Variants in MGAT5 observed in about 807,000 individuals in gnomAD.
The protein encoded by MGAT5 is alpha-1,6-mannosylglycoprotein 6-beta-N-acetylglucosaminyltransferase A.
MGAT5 carries 30 observed loss-of-function variants against 94.3 expected under a neutral mutation model. That is an observed-to-expected ratio of 0.32 (90% CI 0.24 to 0.43). The LOEUF is 0.43. MGAT5 is among the 20% of genes least tolerant of loss of function. The probability of loss-of-function intolerance (pLI) is 1.00; values close to 1 mark genes in which losing one functional copy is unlikely to be tolerated. For missense variants in MGAT5, 691 were observed against 905.5 expected (o/e 0.76, Z 3.04); for synonymous variants, 310 against 322.9 (o/e 0.96, Z 0.43).
intron 1 of MGAT5, among the ~76,000 whole-genome samples, chr2:134,193,433 G>A (rs1483813295): frequency 6.6e-6 from 1 of 152,148 alleles, no homozygotes; most frequent in African/African-American, 2.4e-5. Context: ...GGTTAAAAGA[G>A]AACGATCCCC....
intron 2 of MGAT5, among the ~76,000 whole-genome samples, chr2:134,283,099 G>A (rs1469364614): frequency 2.0e-5 from 3 of 152,178 alleles, no homozygotes; most frequent in Non-Finnish European, 2.9e-5. Flanking sequence ...AGGTCTGGAT[G>A]TGTTAACGCA....
intron 1 of MGAT5, among the ~76,000 whole-genome samples, chr2:134,200,638 C>T (rs180693199): frequency 6.6e-6 from 1 of 152,210 alleles, no homozygotes; most frequent in African/African-American, 2.4e-5. Flanking sequence ...CTTAGTGTGC[C>T]CTAAACTCTG....
chr2:134,308,850 C>T (rs1420116056), intron 2 of MGAT5, among the ~76,000 whole-genome samples: 2 of 152,164 alleles, frequency 1.3e-5, no homozygotes, highest in African/African-American at 4.8e-5. Flanking sequence ...GCCTGGGCAA[C>T]ATAGCAAGAC....
At chr2:134,175,411 G>C (rs893847362) in intron 1 of MGAT5, among the ~76,000 whole-genome samples, 6 of 152,140 alleles carry the variant, frequency 3.9e-5, no homozygotes, top group Non-Finnish European at 8.8e-5. Context: ...TGAAATGTGT[G>C]GTTGGCCTGG....
At chr2:134,204,513 TGGAA>T (rs1679941655) in intron 1 of MGAT5, among the ~76,000 whole-genome samples, 2 of 151,810 alleles carry the variant, frequency 1.3e-5, no homozygotes, top group Admixed American at 1.3e-4. Flanking sequence ...CAAGATGTCA[TGGAA>T]GGTAAGAGAG....
At chr2:134,120,885 G>A (rs1447761350) in intron 1 of MGAT5, among the ~76,000 whole-genome samples, 4 of 151,926 alleles carry the variant, frequency 2.6e-5, no homozygotes, top group Non-Finnish European at 2.9e-5. Flanking sequence ...GCCCGGGGGC[G>A]CCCCGGCTGT....
intron 1 of MGAT5, among the ~76,000 whole-genome samples, chr2:134,163,368 C>T (rs369676752): frequency 5.9e-5 from 9 of 152,148 alleles, no homozygotes; most frequent in African/African-American, 1.9e-4. Context: ...GTGTTCCGGA[C>T]GGTTCACCTG....
At chr2:134,406,557 CTT>C in intron 11 of MGAT5, among the ~76,000 whole-genome samples, 1 of 152,294 alleles carries the variant, frequency 6.6e-6, no homozygotes, top group South Asian at 2.1e-4. Flanking sequence ...AACTATGTCT[CTT>C]CTTACTGAGC....
At chr2:134,431,229 A>G (rs1387268618) in intron 14 of MGAT5, among the ~76,000 whole-genome samples, 1 of 152,192 alleles carries the variant, frequency 6.6e-6, no homozygotes, top group Non-Finnish European at 1.5e-5. Flanking sequence ...ATTCTGGGAT[A>G]ATAGGAAGCT....
intron 1 of MGAT5, among the ~76,000 whole-genome samples, chr2:134,175,677 C>T (rs1231157607): frequency 6.6e-6 from 1 of 152,234 alleles, no homozygotes; most frequent in Non-Finnish European, 1.5e-5. Context: ...GATGCTGTCT[C>T]CACATCCTGT....
intron 15 of MGAT5, among the ~76,000 whole-genome samples, chr2:134,448,312 T>A (rs904600165): frequency 1.3e-5 from 2 of 152,180 alleles, no homozygotes; most frequent in African/African-American, 4.8e-5. Context: ...TGCAGAGAAC[T>A]CTAAAAGCAC....
intron 8 of MGAT5, among the ~76,000 whole-genome samples, chr2:134,345,505 A>G (rs1024408105): frequency 1.3e-5 from 2 of 152,136 alleles, no homozygotes; most frequent in Non-Finnish European, 2.9e-5. Context: ...GGGGTCTTGC[A>G]CTTTTTAAGA....
chr2:134,153,656 C>T (rs1687333188), intron 1 of MGAT5, among the ~76,000 whole-genome samples: 1 of 152,120 alleles, frequency 6.6e-6, no homozygotes, highest in Non-Finnish European at 1.5e-5. Context: ...TAATGCTTTG[C>T]CTTTACAGGC....
intron 1 of MGAT5, among the ~76,000 whole-genome samples, chr2:134,132,510 G>A (rs1161204214): frequency 6.6e-6 from 1 of 152,192 alleles, no homozygotes; most frequent in Non-Finnish European, 1.5e-5. Context: ...GAGGTCAGGC[G>A]GCACGTGACT....
chr2:134,299,116 A>G (rs986353255), intron 2 of MGAT5, among the ~76,000 whole-genome samples: 4 of 152,154 alleles, frequency 2.6e-5, no homozygotes, highest in Non-Finnish European at 5.9e-5. Context: ...CAATACCACT[A>G]TCATCATCTG....
intron 1 of MGAT5, among the ~76,000 whole-genome samples, chr2:134,201,827 T>TC (rs1429255916): frequency 8.4e-6 from 1 of 119,530 alleles, no homozygotes; most frequent in Non-Finnish European, 1.8e-5. Flanking sequence ...TTTTTTTTTT[T>TC]TTTTTTTTTT....
chr2:134,290,228 ATC>A, intron 2 of MGAT5, among the ~76,000 whole-genome samples: 1 of 152,284 alleles, frequency 6.6e-6, no homozygotes, highest in East Asian at 1.9e-4. Context: ...TACCAACTTG[ATC>A]TTGGCCACTT....
At chr2:134,159,546 A>C (rs1687636224) in intron 1 of MGAT5, among the ~76,000 whole-genome samples, 1 of 152,146 alleles carries the variant, frequency 6.6e-6, no homozygotes, top group Non-Finnish European at 1.5e-5. Flanking sequence ...CTATCTTCAT[A>C]AGTAGTATGA....
chr2:134,294,562 T>TAG (rs1269404142), intron 2 of MGAT5, among the ~76,000 whole-genome samples: 10 of 152,154 alleles, frequency 6.6e-5, no homozygotes, highest in Non-Finnish European at 1.2e-4. Context: ...GTGTAAAAAA[T>TAG]AGAGGTTCCT....
Sources: gnomAD v4.1 joint callset for allele counts (sites outside exome capture counted in the v4.1 genomes callset) on GRCh38, gnomAD v4.1.1 for gene constraint, MANE v1.5 for transcripts, NCBI Gene and HGNC (gene_info 2026-07-23, HGNC 2026-07-21) for gene names.